OR51B5: variants seen among roughly 807,000 people sequenced by gnomAD.
The protein encoded by OR51B5 is olfactory receptor family 51 subfamily B member 5, also known as olfactory receptor 51B5.
For synonymous variants in OR51B5, 186 were observed against 144.8 expected (o/e 1.28, Z -2.04); for missense variants, 456 against 374.6 (o/e 1.22, Z -1.79).
rs139433777 is a variant in OR51B5, at chr11:5,490,126, T to C, written n.84+15443A>G. 6.0e-3 allele frequency among the ~76,000 whole-genome samples: 918 copies of C among 152,334 alleles called. 8 individuals carry two copies. The highest frequency in any genetic ancestry group is 0.021 in the African/African-American group (869 of 41,584). On this transcript the variant is annotated intron_variant and non_coding_transcript_variant, in intron 1 of 4. Coordinates refer to the OR51B5 transcript ENST00000415970. ...GTTTGAATCCTGGCTCCTCTACTTG[T>C]GACCTTGAGCATGTTTGAAATGTTT...
intron 1 of OR51B5, among the ~76,000 whole-genome samples, chr11:5,463,180 CAATT>C (rs943691595): frequency 9.2e-5 from 14 of 152,140 alleles, no homozygotes; most frequent in African/African-American, 3.4e-4. Flanking sequence ...ATTGAATAGG[CAATT>C]AATTAGTTCA....
intron 1 of OR51B5, among the ~76,000 whole-genome samples, chr11:5,403,849 A>G (rs1589977500): frequency 6.6e-6 from 1 of 152,244 alleles, no homozygotes; most frequent in East Asian, 1.9e-4. Context: ...TAATGAGGAA[A>G]AGGCACCTGG....
intron 1 of OR51B5, chr11:5,453,921 G>C (rs774911095): frequency 1.9e-6 from 3 of 1,613,934 alleles, no homozygotes; most frequent in Non-Finnish European, 2.5e-6. Flanking sequence ...TGCTGCAATG[G>C]GTTTAGGTGC....
chr11:5,491,041 T>G (rs745376470), intron 1 of OR51B5, among the ~76,000 whole-genome samples: 1 of 152,274 alleles, frequency 6.6e-6, no homozygotes, highest in Non-Finnish European at 1.5e-5. Flanking sequence ...GCCTTGCACA[T>G]AATTAATAAG....
chr11:5,421,004 A>C (rs1337285068), intron 1 of OR51B5, among the ~76,000 whole-genome samples: 2 of 152,206 alleles, frequency 1.3e-5, no homozygotes, highest in East Asian at 3.8e-4. Flanking sequence ...TATAGAAGGA[A>C]GTCTTTTAGA....
rs902784615 is a variant in OR51B5, at chr11:5,453,354, C to A, written n.84+52215G>T. The A allele has an allele frequency of 5.5e-6, 3 of 542,374 alleles. No individual in the cohort carries two copies. The South Asian group carries it at 1.2e-4, about 22-fold the overall frequency. 33.6% of individuals were successfully genotyped at this position (542,374 alleles called of 1,614,324 possible). A position where few individuals can be genotyped will look rare whatever the true frequency, so the allele number is the denominator to read the frequency against. On this transcript the variant is annotated intron_variant and non_coding_transcript_variant, in intron 1 of 4. Coordinates refer to the OR51B5 transcript ENST00000415970. ...CTCAAAAGCAGTGATTTCATGAATGCGTCAGTTTCCATTTATGTCAACATC... is the reference window on the plus strand; with the variant it reads ...CTCAAAAGCAGTGATTTCATGAATGAGTCAGTTTCCATTTATGTCAACATC...
At chr11:5,365,778 C>T (rs11604883) in intron 1 of OR51B5, among the ~76,000 whole-genome samples, 16,827 of 152,248 alleles carry the variant, frequency 0.11, 1,055 homozygotes, top group South Asian at 0.15. Flanking sequence ...ATAATCCAGG[C>T]ATCACCTCCA....
chr11:5,397,115 A>C (rs1378945220), intron 1 of OR51B5, among the ~76,000 whole-genome samples: 2 of 152,234 alleles, frequency 1.3e-5, no homozygotes, highest in Non-Finnish European at 2.9e-5. Flanking sequence ...AAGAAAACCT[A>C]AGCAATACCA....
chr11:5,390,135 A>AGCGCCGTGCCTTTCAGACAT (rs745782139), intron 1 of OR51B5: 2 of 1,613,818 alleles, frequency 1.2e-6, no homozygotes, highest in South Asian at 2.2e-5. Flanking sequence ...CAAGAGGAGC[A>AGCGCCGTGCCTTTCAGACAT]GCGCCGTGCC....
chr11:5,433,574 C>A (rs1447362396), intron 1 of OR51B5, among the ~76,000 whole-genome samples: 1 of 152,110 alleles, frequency 6.6e-6, no homozygotes. Context: ...AATGTATGGT[C>A]AGGAGAATGT....
chr11:5,435,555 AAC>A (rs1850580715), intron 1 of OR51B5, among the ~76,000 whole-genome samples: 1 of 152,242 alleles, frequency 6.6e-6, no homozygotes, highest in Non-Finnish European at 1.5e-5. Context: ...TCAAATACCT[AAC>A]AGATGCTTAA....
downstream of OR51B5, chr11:5,342,513 A>C: frequency 6.6e-7 from 1 of 1,504,698 alleles, no homozygotes; most frequent in Non-Finnish European, 8.9e-7. Context: ...CATGCTAGAT[A>C]TGAGACTTCT....
chr11:5,440,717 G>A, intron 1 of OR51B5: 1 of 1,614,004 alleles, frequency 6.2e-7, no homozygotes, highest in Non-Finnish European at 8.5e-7. Context: ...CACTTTTCCA[G>A]AAGCGGTGAA....
At chr11:5,418,672 G>C (rs1850278801) in intron 1 of OR51B5, among the ~76,000 whole-genome samples, 1 of 147,672 alleles carries the variant, frequency 6.8e-6, no homozygotes, top group Non-Finnish European at 1.5e-5. Context: ...ATTGGTAGTT[G>C]AACAATGAGA....
chr11:5,431,168 T>G, intron 1 of OR51B5: 1 of 374,636 alleles, frequency 2.7e-6, no homozygotes. Context: ...CCCAGACCCA[T>G]GCAGATAATA....
chr11:5,429,119 T>A (rs181522927), intron 1 of OR51B5, among the ~76,000 whole-genome samples: 1 of 152,156 alleles, frequency 6.6e-6, no homozygotes, highest in Admixed American at 6.5e-5. Context: ...ACTCAGCACA[T>A]GACTACCATT....
intron 1 of OR51B5, among the ~76,000 whole-genome samples, chr11:5,380,744 T>C (rs1440162295): frequency 6.6e-6 from 1 of 152,200 alleles, no homozygotes; most frequent in Non-Finnish European, 1.5e-5. Flanking sequence ...GATATGTCTA[T>C]TTTGTGCATG....
At chr11:5,343,911 T>G (rs1848948808), upstream of OR51B5, among the ~76,000 whole-genome samples, 1 of 152,238 alleles carries the variant, frequency 6.6e-6, no homozygotes, top group Admixed American at 6.5e-5. Flanking sequence ...TAACACTAAT[T>G]TTTTTCTGGT....
intron 1 of OR51B5, among the ~76,000 whole-genome samples, chr11:5,363,178 A>G (rs892154990): frequency 2.0e-5 from 3 of 151,842 alleles, no homozygotes; most frequent in African/African-American, 7.3e-5. Context: ...ATTAGTCTGG[A>G]GAAATCATTT....
Sources: gnomAD v4.1 joint callset for allele counts (sites outside exome capture counted in the v4.1 genomes callset) on GRCh38, gnomAD v4.1.1 for gene constraint, MANE v1.5 for transcripts, NCBI Gene and HGNC (gene_info 2026-07-23, HGNC 2026-07-21) for gene names.